PCDH9: variants seen among roughly 807,000 people sequenced by gnomAD.
PCDH9 encodes protocadherin-9.
PCDH9 carries 24 observed loss-of-function variants against 70.6 expected under a neutral mutation model. The ratio of observed to expected loss-of-function variants is 0.34; its 90% CI spans 0.25 to 0.48. PCDH9 has a LOEUF of 0.48. PCDH9 is among the 20% of genes least tolerant of loss of function. The pLI is 0.99. For missense variants in PCDH9, 1,281 were observed against 1,503.6 expected (o/e 0.85, Z 2.45); for synonymous variants, 562 against 558.5 (o/e 1.01, Z -0.09).
chr13:66,611,740 C>A (rs886959147), intron 4 of PCDH9, among the ~76,000 whole-genome samples: 1 of 152,138 alleles, frequency 6.6e-6, no homozygotes, highest in Non-Finnish European at 1.5e-5. Context: ...GTTGTGAGGA[C>A]GGAATTGAAG....
intron 2 of PCDH9, among the ~76,000 whole-genome samples, chr13:67,198,924 A>C (rs533111944): frequency 6.6e-6 from 1 of 151,854 alleles, no homozygotes; most frequent in African/African-American, 2.4e-5. Flanking sequence ...TTTTAAAAAA[A>C]GAATACTTAT....
chr13:66,868,644 GATAA>G (rs1282224760), intron 3 of PCDH9, among the ~76,000 whole-genome samples: 2 of 151,998 alleles, frequency 1.3e-5, no homozygotes. Context: ...AAAAACCAAC[GATAA>G]ATACTTTACC....
At chr13:66,668,832 T>G (rs772976555) in intron 3 of PCDH9, among the ~76,000 whole-genome samples, 2 of 152,190 alleles carry the variant, frequency 1.3e-5, no homozygotes, top group Non-Finnish European at 2.9e-5. Flanking sequence ...ATTTGTATTG[T>G]TAGCCCCAAT....
intron 4 of PCDH9, among the ~76,000 whole-genome samples, chr13:66,497,628 T>A (rs1959136687): frequency 6.6e-6 from 1 of 152,130 alleles, no homozygotes; most frequent in Non-Finnish European, 1.5e-5. Context: ...ATTTTAATGA[T>A]GAGAAATTTG....
intron 4 of PCDH9, among the ~76,000 whole-genome samples, chr13:66,619,966 T>A (rs2077402841): frequency 6.6e-6 from 1 of 152,168 alleles, no homozygotes; most frequent in Admixed American, 6.5e-5. Context: ...CAATTTTCAA[T>A]CACATTTCTA....
chr13:67,142,272 G>A (rs552094772), intron 2 of PCDH9, among the ~76,000 whole-genome samples: 2 of 152,076 alleles, frequency 1.3e-5, no homozygotes, highest in Non-Finnish European at 2.9e-5. Context: ...CTGGCTTCAT[G>A]TATCACCATT....
intron 4 of PCDH9, among the ~76,000 whole-genome samples, chr13:66,382,810 C>T (rs138503496): frequency 1.3e-4 from 20 of 152,260 alleles, no homozygotes; most frequent in Non-Finnish European, 2.4e-4. Context: ...GCAGGTGGAT[C>T]ACTTGAGGTC....
intron 3 of PCDH9, among the ~76,000 whole-genome samples, chr13:66,682,641 T>A (rs1236812065): frequency 6.6e-6 from 1 of 152,164 alleles, no homozygotes; most frequent in Non-Finnish European, 1.5e-5. Context: ...CATTAATTTG[T>A]ATGGAAATAT....
chr13:66,415,651 A>G (rs1041145059), intron 4 of PCDH9, among the ~76,000 whole-genome samples: 18 of 152,098 alleles, frequency 1.2e-4, no homozygotes, highest in African/African-American at 3.6e-4. Context: ...ACTTCTTTCA[A>G]CCTGCACTCA....
At chr13:67,213,730 A>T (rs1173500906) in intron 2 of PCDH9, 2 of 152,152 alleles carry the variant, frequency 1.3e-5, no homozygotes, top group African/African-American at 4.8e-5. Flanking sequence ...GAGTATTTTA[A>T]TTTTAAGTTT....
At chr13:66,694,466 G>A (rs2078531226) in intron 3 of PCDH9, among the ~76,000 whole-genome samples, 1 of 152,108 alleles carries the variant, frequency 6.6e-6, no homozygotes, top group Non-Finnish European at 1.5e-5. Flanking sequence ...CTCAGGTGAT[G>A]TCAGGCATTA....
intron 2 of PCDH9, among the ~76,000 whole-genome samples, chr13:66,934,610 A>T (rs1188527260): frequency 6.6e-6 from 1 of 150,788 alleles, no homozygotes; most frequent in African/African-American, 2.4e-5. Context: ...AAGCAGATAA[A>T]GCAAAAAGCA....
chr13:67,162,077 A>G (rs2087978516), intron 2 of PCDH9, among the ~76,000 whole-genome samples: 1 of 152,180 alleles, frequency 6.6e-6, no homozygotes, highest in Non-Finnish European at 1.5e-5. Flanking sequence ...CTGGGAAGCA[A>G]TTAAAAAGCC....
chr13:66,849,502 ATATAT>A (rs2081274204), intron 3 of PCDH9, among the ~76,000 whole-genome samples: 1 of 99,642 alleles, frequency 1.0e-5, no homozygotes, highest in Non-Finnish European at 2.1e-5. Flanking sequence ...ATATATATAT[ATATAT>A]ATATATATAT....
At chr13:67,085,121 T>C (rs2086080953) in intron 2 of PCDH9, among the ~76,000 whole-genome samples, 1 of 149,782 alleles carries the variant, frequency 6.7e-6, no homozygotes, top group East Asian at 2.0e-4. Context: ...GGTCAAATAT[T>C]TGAAAATTTC....
chr13:67,025,708 T>C (rs990545603), intron 2 of PCDH9, among the ~76,000 whole-genome samples: 1 of 152,130 alleles, frequency 6.6e-6, no homozygotes, highest in African/African-American at 2.4e-5. Flanking sequence ...TTTGCCAGTG[T>C]TGGGTATGTC....
intron 4 of PCDH9, among the ~76,000 whole-genome samples, chr13:66,551,657 G>A (rs1445289339): frequency 6.6e-6 from 1 of 151,968 alleles, no homozygotes; most frequent in Non-Finnish European, 1.5e-5. Context: ...ACAAACTTTG[G>A]TTAATTTGTT....
intron 3 of PCDH9, among the ~76,000 whole-genome samples, chr13:66,748,293 T>G (rs971691947): frequency 6.6e-6 from 1 of 152,360 alleles, no homozygotes; most frequent in South Asian, 2.1e-4. Flanking sequence ...GAGATAACTT[T>G]AATGAGATAA....
intron 3 of PCDH9, among the ~76,000 whole-genome samples, chr13:66,810,474 A>T (rs547439386): frequency 6.6e-6 from 1 of 152,178 alleles, no homozygotes; most frequent in East Asian, 1.9e-4. Flanking sequence ...AAAATTAGAT[A>T]AAAATATAGA....
Sources: gnomAD v4.1 joint callset for allele counts (sites outside exome capture counted in the v4.1 genomes callset) on GRCh38, gnomAD v4.1.1 for gene constraint, MANE v1.5 for transcripts, NCBI Gene and HGNC (gene_info 2026-07-23, HGNC 2026-07-21) for gene names.